Variants in DNAH8 observed in about 807,000 individuals in gnomAD.
DNAH8 encodes dynein axonemal heavy chain 8.
A neutral mutation model predicts 562.1 loss-of-function variants in DNAH8; 382 were observed. The observed-to-expected ratio is 0.68, with a 90% CI of 0.63 to 0.74. The LOEUF (loss-of-function observed/expected upper bound fraction) is 0.74, where lower values mean the gene tolerates loss of function less well. DNAH8 is among the 30% of genes least tolerant of loss of function. The pLI, the probability that DNAH8 is intolerant of heterozygous loss-of-function variation, is 0.00. For missense variants in DNAH8, 5,203 were observed against 5,620.4 expected (o/e 0.93, Z 2.37); for synonymous variants, 1,881 against 1,919.4 (o/e 0.98, Z 0.52).
At chr6:38,765,824 A>G (rs753496811) in intron 11 of DNAH8, among the ~76,000 whole-genome samples, 15 of 152,216 alleles carry the variant, frequency 9.9e-5, no homozygotes, top group Non-Finnish European at 2.9e-5. Context: ...GAAAAAGACA[A>G]ATGATAGCAA....
At chr6:39,024,481 A>G (rs1045943160) in intron 91 of DNAH8, among the ~76,000 whole-genome samples, 3 of 152,160 alleles carry the variant, frequency 2.0e-5, no homozygotes, top group African/African-American at 4.8e-5. Flanking sequence ...TATACCATTG[A>G]CTGGAAAACA....
chr6:38,878,904 C>G (rs144106728), intron 53 of DNAH8, among the ~76,000 whole-genome samples: 1 of 152,036 alleles, frequency 6.6e-6, no homozygotes, highest in South Asian at 2.1e-4. Flanking sequence ...TATGTTAATT[C>G]GCTTGTAATA....
chr6:39,019,182 T>G (rs1766746807), intron 91 of DNAH8, among the ~76,000 whole-genome samples: 1 of 151,126 alleles, frequency 6.6e-6, no homozygotes, highest in Admixed American at 6.6e-5. Context: ...AGGGAGGAGG[T>G]AAAAGAGGCA....
At chr6:38,784,114 C>A (rs572082784) in intron 17 of DNAH8, among the ~76,000 whole-genome samples, 1 of 152,312 alleles carries the variant, frequency 6.6e-6, no homozygotes, top group South Asian at 2.1e-4. Flanking sequence ...AGGGTGTCGT[C>A]CCTAACAGGA....
Position 38,828,187 on chromosome 6 carries a change from G to A in DNAH8, c.4087G>A (p.Ala1363Thr). Reference sequence around the variant, plus strand: ...AAACTCCACCTTCATCCTGCAGGAAGCCTATGCTATTTTAAACAGATTTGA... The same window carrying A: ...AAACTCCACCTTCATCCTGCAGGAAACCTATGCTATTTTAAACAGATTTGA... ...MDMTLGPIEEAYAILNRFEVE... is the reference protein window; with the variant it reads ...MDMTLGPIEETYAILNRFEVE... Residue 1363 changes from alanine to threonine, a missense_variant, in exon 30 of 93, where the codon GCC becomes ACC. Physicochemically the swap from Ala to Thr is moderately conservative, Grantham distance 58. Coordinates refer to ENST00000327475, the MANE Select transcript of DNAH8 (RefSeq NM_001206927.2). 6.3e-7 allele frequency: 1 copy of A among 1,584,154 alleles called. No homozygotes were observed. Among genetic ancestry groups the A allele is most frequent in the East Asian group, 2.3e-5 (1 of 43,790 alleles).
chr6:38,812,726 T>C (rs147927825), intron 24 of DNAH8, among the ~76,000 whole-genome samples: 48 of 146,744 alleles, frequency 3.3e-4, no homozygotes, highest in African/African-American at 1.2e-3. Flanking sequence ...ACCTAGAGAA[T>C]CTCTTGAAGA....
intron 80 of DNAH8, 59 bp downstream of exon 80, chr6:38,945,647 C>A: frequency 2.5e-6 from 4 of 1,602,814 alleles, no homozygotes; most frequent in Non-Finnish European, 3.4e-6. Flanking sequence ...ATACCTGGGC[C>A]GCTTAAACTG....
chr6:38,732,047 T>G (rs907301408), intron 4 of DNAH8, among the ~76,000 whole-genome samples: 2 of 152,222 alleles, frequency 1.3e-5, no homozygotes, highest in African/African-American at 4.8e-5. Flanking sequence ...TGTGTTAACA[T>G]GTAAATGCTT....
At chr6:38,730,381 T>G (rs1562571880) in intron 4 of DNAH8, among the ~76,000 whole-genome samples, 1 of 152,208 alleles carries the variant, frequency 6.6e-6, no homozygotes, top group Non-Finnish European at 1.5e-5. Flanking sequence ...CAGCTGTCAC[T>G]TGGAATAGCT....
At chr6:38,954,270 C>T (rs1762105905) in intron 82 of DNAH8, among the ~76,000 whole-genome samples, 1 of 152,248 alleles carries the variant, frequency 6.6e-6, no homozygotes. Flanking sequence ...TTAAAAAGAA[C>T]ACCTAAAAAC....
chr6:38,917,453 C>A, intron 69 of DNAH8, 47 bp downstream of exon 69: 1 of 1,532,414 alleles, frequency 6.5e-7, no homozygotes, highest in South Asian at 1.2e-5. Flanking sequence ...CATCAGGCGT[C>A]CTCAGCCCAG....
chr6:38,717,834 C>G (rs73416350), intron 1 of DNAH8, among the ~76,000 whole-genome samples: 17,035 of 151,732 alleles, frequency 0.11, 1,549 homozygotes, highest in African/African-American at 0.25. Context: ...TCTGTACATG[C>G]AAATTAGGTA....
At chr6:38,726,448 T>C (rs1763224119) in intron 3 of DNAH8, among the ~76,000 whole-genome samples, 1 of 152,230 alleles carries the variant, frequency 6.6e-6, no homozygotes, top group East Asian at 1.9e-4. Flanking sequence ...CTACAAACCC[T>C]TCTATTTGCT....
intron 21 of DNAH8, among the ~76,000 whole-genome samples, chr6:38,792,162 ACTGCAACCT>A (rs967556057): frequency 2.6e-5 from 4 of 152,012 alleles, no homozygotes; most frequent in African/African-American, 9.7e-5. Flanking sequence ...ATCTTGGCTC[ACTGCAACCT>A]CTGCCTCCCG....
intron 33 of DNAH8, among the ~76,000 whole-genome samples, chr6:38,840,914 T>A (rs1774725908): frequency 6.6e-6 from 1 of 152,206 alleles, no homozygotes; most frequent in Admixed American, 6.5e-5. Context: ...AGTCATTTTT[T>A]TTTCACTGTT....
intron 65 of DNAH8, among the ~76,000 whole-genome samples, chr6:38,910,315 C>T (rs1370971679): frequency 1.3e-5 from 2 of 152,148 alleles, no homozygotes; most frequent in African/African-American, 4.8e-5. Context: ...CAGCTTTTTT[C>T]CCCAAAGCAT....
chr6:38,832,668 G>A (rs1364774670), intron 31 of DNAH8, among the ~76,000 whole-genome samples: 3 of 152,104 alleles, frequency 2.0e-5, no homozygotes, highest in Admixed American at 6.6e-5. Flanking sequence ...CATAAAATAC[G>A]CTAACACTAA....
rs542505600 is a variant in DNAH8, at chr6:38,767,164, C to T, written c.1618-3249C>T. Among the ~76,000 whole-genome samples, 15 of 152,270 alleles carry T rather than the reference C, an allele frequency of 9.9e-5. No homozygotes were observed. In the South Asian group the frequency reaches 1.2e-3, roughly 13 times the overall value. ...TAATTCCCCAAACTCAGGCCAGACG[C>T]GGTGGCTCACGCCTGTAATCCCAGC... On this transcript the variant is annotated intron_variant, in intron 11 of 92. Coordinates refer to ENST00000327475, the MANE Select transcript of DNAH8 (RefSeq NM_001206927.2).
chr6:38,882,373 A>C (rs1243470357), intron 53 of DNAH8, among the ~76,000 whole-genome samples: 2 of 152,226 alleles, frequency 1.3e-5, no homozygotes, highest in Non-Finnish European at 2.9e-5. Context: ...ATGGAATACT[A>C]TGCAGCCATA....
Sources: allele counts gnomAD v4.1 joint callset (sites outside exome capture counted in the v4.1 genomes callset), GRCh38; gene constraint gnomAD v4.1.1; transcripts MANE v1.5; gene names NCBI Gene and HGNC (gene_info 2026-07-23, HGNC 2026-07-21).